PLCXD3: variants seen among roughly 807,000 people sequenced by gnomAD.
PLCXD3 encodes PI-PLC X domain-containing protein 3.
In PLCXD3, 19 loss-of-function variants were observed where a neutral mutation model predicts 25.5. The ratio of observed to expected loss-of-function variants is 0.75; its 90% CI spans 0.52 to 1.09. The LOEUF (loss-of-function observed/expected upper bound fraction) is 1.09. PLCXD3 is among the 50% of genes least tolerant of loss of function. The pLI, the probability that PLCXD3 is intolerant of heterozygous loss-of-function variation, is 0.00. For missense variants in PLCXD3, 411 were observed against 388.1 expected, an observed-to-expected ratio of 1.06 and a Z score of -0.50; for synonymous variants, 174 against 137.6, an observed-to-expected ratio of 1.26 and a Z score of -1.85.
rs1343844793 is a variant in PLCXD3, at chr5:41,510,349, T to C, written c.103+75A>G. On this transcript the variant is annotated intron_variant, in intron 1 of 2. Transcript: ENST00000377801. ...CGCGGGCATCGTGGCAAGTTACCAC[T>C]TAGTGGCAGATAAAGCAGGGCGGGG... is the stretch of plus-strand genomic sequence containing the variant. 8.4e-6 allele frequency: 11 copies of C among 1,308,112 alleles called. No individual in the cohort carries two copies. In the African/African-American group the frequency reaches 1.2e-4, roughly 14 times the overall value. 81.0% of individuals were successfully genotyped at this position (1,308,112 alleles called of 1,614,324 possible).
chr5:41,415,131 AG>A (rs1459945051), intron 1 of PLCXD3, among the ~76,000 whole-genome samples: 4 of 152,200 alleles, frequency 2.6e-5, no homozygotes, highest in African/African-American at 9.6e-5. Context: ...CCTATGGAAA[AG>A]GGGATGCTAT....
chr5:41,460,004 A>G (rs1207709974), intron 1 of PLCXD3, among the ~76,000 whole-genome samples: 3 of 151,954 alleles, frequency 2.0e-5, no homozygotes, highest in African/African-American at 7.2e-5. Context: ...ACAGATTAAG[A>G]TCATGTGTAA....
At chr5:41,353,828 T>G (rs567268124) in intron 2 of PLCXD3, among the ~76,000 whole-genome samples, 1 of 152,228 alleles carries the variant, frequency 6.6e-6, no homozygotes, top group African/African-American at 2.4e-5. Flanking sequence ...TGGGCTCCAG[T>G]AGTAACTTAT....
At chr5:41,434,643 T>C (rs1293209765) in intron 1 of PLCXD3, among the ~76,000 whole-genome samples, 1 of 152,104 alleles carries the variant, frequency 6.6e-6, no homozygotes, top group Non-Finnish European at 1.5e-5. Flanking sequence ...GCATTAGGGG[T>C]ATAAATTATA....
chr5:41,467,003 T>C (rs913462097), intron 1 of PLCXD3, among the ~76,000 whole-genome samples: 1 of 152,180 alleles, frequency 6.6e-6, no homozygotes, highest in Non-Finnish European at 1.5e-5. Context: ...TTGTGAATGG[T>C]GCTGCAATGA....
chr5:41,309,914 T>C lies in PLCXD3; in HGVS notation c.*3703A>G, dbSNP rs1472986107. Reference sequence around the variant, plus strand: ...TTTATATCTACTAATGTAGGAGATATTGATTTTAAGAGTTGAAACAGCAAT... The same window carrying C: ...TTTATATCTACTAATGTAGGAGATACTGATTTTAAGAGTTGAAACAGCAAT... On this transcript the variant is annotated 3_prime_UTR_variant, in exon 3 of 3. Transcript: ENST00000377801. 5 of 152,144 alleles carry C rather than the reference T, an allele frequency of 3.3e-5. No homozygotes were observed. Among genetic ancestry groups the C allele is most frequent in the African/African-American group, 1.2e-4 (5 of 41,458 alleles). The allele number at this position is 152,144 out of a possible 1,614,324, so 9.4% of individuals were successfully genotyped here. A position where few individuals can be genotyped will look rare whatever the true frequency, so the allele number is the denominator to read the frequency against.
intron 1 of PLCXD3, among the ~76,000 whole-genome samples, chr5:41,451,641 C>CTT (rs977847427): frequency 6.8e-6 from 1 of 148,064 alleles, no homozygotes. Context: ...TTTCCTCTCT[C>CTT]TTTTTTTTTT....
rs2150506926 is a variant in PLCXD3 at position 41,424,699 on chromosome 5, C to G, written c.104-42165G>C. ...TTTATTTTTCTGTATTTTATTTATT[C>G]TATTTTTTCACATTATAAATAAGGA... On this transcript the variant is annotated intron_variant, in intron 1 of 2. Coordinates refer to ENST00000377801, the MANE Select transcript of PLCXD3 (RefSeq NM_001005473.3). Among the ~76,000 whole-genome samples the G allele has an allele frequency of 2.0e-5, 3 of 151,964 alleles. No individual in the cohort carries two copies. The South Asian group carries it at 6.2e-4, about 32-fold the overall frequency.
chr5:41,499,451 G>T (rs1325765046), intron 1 of PLCXD3, among the ~76,000 whole-genome samples: 1 of 151,624 alleles, frequency 6.6e-6, no homozygotes, highest in Non-Finnish European at 1.5e-5. Context: ...GGAGACAAAA[G>T]ATTTCACTGA....
At chr5:41,401,510 T>C (rs558617236) in intron 1 of PLCXD3, among the ~76,000 whole-genome samples, 48 of 152,190 alleles carry the variant, frequency 3.2e-4, no homozygotes, top group Admixed American at 9.8e-4. Context: ...ACCATATGTG[T>C]ATGGGCCTAG....
chr5:41,481,261 G>T (rs996040709), intron 1 of PLCXD3, among the ~76,000 whole-genome samples: 1 of 152,140 alleles, frequency 6.6e-6, no homozygotes, highest in South Asian at 2.1e-4. Flanking sequence ...ACTATACAGA[G>T]TTGTTATAAG....
chr5:41,358,510 C>T (rs1341242533), intron 2 of PLCXD3, among the ~76,000 whole-genome samples: 1 of 152,174 alleles, frequency 6.6e-6, no homozygotes, highest in African/African-American at 2.4e-5. Context: ...TATGCCTTTG[C>T]ATCCTCATAG....
At chr5:41,352,401 T>C (rs767607116) in intron 2 of PLCXD3, among the ~76,000 whole-genome samples, 1 of 152,206 alleles carries the variant, frequency 6.6e-6, no homozygotes, top group Non-Finnish European at 1.5e-5. Context: ...AAAATCACTT[T>C]CTTTGTGAGG....
chr5:41,418,708 C>A (rs141935800), intron 1 of PLCXD3, among the ~76,000 whole-genome samples: 2 of 152,268 alleles, frequency 1.3e-5, no homozygotes, highest in East Asian at 3.9e-4. Context: ...ACTGCCTCCC[C>A]ACACTGCCTT....
At position 41,455,341 on chromosome 5, in the gene PLCXD3, G is replaced by A. The variant is rs542068331; in HGVS notation, c.103+55083C>T. On this transcript the variant is annotated intron_variant, in intron 1 of 2. Coordinates refer to ENST00000377801, the MANE Select transcript of PLCXD3 (RefSeq NM_001005473.3). ...AGGACTTTCATTTATTTATTCTTCC[G>A]TTAACCTGACTCTCCCTATTTCCAG... 3.3e-5 allele frequency among the ~76,000 whole-genome samples: 5 copies of A among 151,928 alleles called. No individual in the cohort carries two copies. The South Asian group carries it at 6.2e-4, about 19-fold the overall frequency.
intron 1 of PLCXD3, among the ~76,000 whole-genome samples, chr5:41,392,260 C>G (rs1421176064): frequency 6.6e-6 from 1 of 152,124 alleles, no homozygotes; most frequent in African/African-American, 2.4e-5. Flanking sequence ...TCTGACCTAG[C>G]ACAGTCATAA....
At chr5:41,399,431 C>G (rs1240371641) in intron 1 of PLCXD3, among the ~76,000 whole-genome samples, 1 of 152,062 alleles carries the variant, frequency 6.6e-6, no homozygotes, top group Non-Finnish European at 1.5e-5. Context: ...ATCACAATAC[C>G]TGACTTTAAA....
intron 1 of PLCXD3, among the ~76,000 whole-genome samples, chr5:41,460,241 A>T (rs1358367903): frequency 2.6e-5 from 4 of 151,884 alleles, no homozygotes; most frequent in African/African-American, 7.2e-5. Context: ...CATATTGGTG[A>T]CTATGCTGTT....
chr5:41,396,758 TGAG>T (rs1206039671), intron 1 of PLCXD3, among the ~76,000 whole-genome samples: 1 of 152,160 alleles, frequency 6.6e-6, no homozygotes, highest in Non-Finnish European at 1.5e-5. Flanking sequence ...CAGATGGAGA[TGAG>T]GAACTTATTG....
Sources: allele counts gnomAD v4.1 joint callset (sites outside exome capture counted in the v4.1 genomes callset), GRCh38; gene constraint gnomAD v4.1.1; transcripts MANE v1.5; gene names NCBI Gene and HGNC (gene_info 2026-07-23, HGNC 2026-07-21).